Variants in SIPA1L3 observed in about 807,000 individuals in gnomAD.
SIPA1L3 encodes signal induced proliferation associated 1 like 3.
In SIPA1L3, 59 loss-of-function variants were observed where a neutral mutation model predicts 150.1. That is an observed-to-expected ratio of 0.39 (90% CI 0.32 to 0.49). SIPA1L3 has a LOEUF of 0.49. SIPA1L3 is among the 20% of genes least tolerant of loss of function. The pLI, the probability that SIPA1L3 is intolerant of heterozygous loss-of-function variation, is 0.86. For synonymous variants in SIPA1L3, 1,070 were observed against 1,077.6 expected (o/e 0.99, Z 0.14); for missense variants, 2,211 against 2,489.5 (o/e 0.89, Z 2.38).
chr19:38,089,418 G>A (rs1027963166), intron 4 of SIPA1L3, among the ~76,000 whole-genome samples: 5 of 152,054 alleles, frequency 3.3e-5, no homozygotes, highest in Admixed American at 6.6e-5. Context: ...AGTCCAGGGT[G>A]TCTGACTTCA....
intron 2 of SIPA1L3, among the ~76,000 whole-genome samples, chr19:38,075,010 A>G (rs1269613750): frequency 6.6e-6 from 1 of 152,224 alleles, no homozygotes; most frequent in African/African-American, 2.4e-5. Flanking sequence ...CGGGTATTAC[A>G]GGCATGAGCC....
At chr19:38,178,846 G>A (rs967067444) in intron 15 of SIPA1L3, among the ~76,000 whole-genome samples, 23 of 152,176 alleles carry the variant, frequency 1.5e-4, no homozygotes, top group Non-Finnish European at 2.9e-4. Context: ...CCTGGGGAAA[G>A]CATTCCTGAC....
intron 5 of SIPA1L3, 53 bp downstream of exon 5, chr19:38,100,203 C>T (rs1568549693): frequency 7.5e-7 from 1 of 1,340,222 alleles, no homozygotes; most frequent in East Asian, 2.8e-5. Context: ...CTTGCAACCC[C>T]ACTCCTGGTA....
chr19:38,131,892 A>C (rs536332447), intron 10 of SIPA1L3, among the ~76,000 whole-genome samples: 4 of 133,750 alleles, frequency 3.0e-5, no homozygotes, highest in African/African-American at 1.2e-4. Flanking sequence ...CGGCCTCCCA[A>C]AGTGCTGGAG....
At chr19:38,085,419 G>GCA (rs1408811363) in intron 3 of SIPA1L3, among the ~76,000 whole-genome samples, 1 of 149,628 alleles carries the variant, frequency 6.7e-6, no homozygotes, top group Non-Finnish European at 1.5e-5. Flanking sequence ...GGCAGAGCTT[G>GCA]CAGTGAGCCG....
intron 1 of SIPA1L3, among the ~76,000 whole-genome samples, chr19:37,942,807 C>A (rs898134437): frequency 2.6e-4 from 40 of 152,006 alleles, no homozygotes; most frequent in Admixed American, 5.9e-4. Context: ...GGTTTACCAG[C>A]GGGTTCAGGC....
intron 9 of SIPA1L3, among the ~76,000 whole-genome samples, chr19:38,123,787 C>T (rs1971088699): frequency 1.3e-5 from 2 of 151,988 alleles, no homozygotes; most frequent in Middle Eastern, 3.4e-3. Context: ...GGGTACACCT[C>T]CCAGACGGGG....
chr19:38,142,357 G>T (rs1055672083), intron 11 of SIPA1L3, among the ~76,000 whole-genome samples: 1 of 152,126 alleles, frequency 6.6e-6, no homozygotes, highest in Non-Finnish European at 1.5e-5. Context: ...GGAAGAGGGG[G>T]CCCAGGAGCA....
At chr19:38,120,976 C>T (rs1203983725) in intron 9 of SIPA1L3, among the ~76,000 whole-genome samples, 9 of 152,208 alleles carry the variant, frequency 5.9e-5, no homozygotes, top group Admixed American at 3.3e-4. Flanking sequence ...CACTTACCAG[C>T]TGCATGACCT....
chr19:37,911,741 C>T (rs1467482676), intron 1 of SIPA1L3, among the ~76,000 whole-genome samples: 3 of 151,776 alleles, frequency 2.0e-5, no homozygotes, highest in Admixed American at 6.6e-5. Context: ...CCTCGTGATC[C>T]GCCCACCTCA....
At chr19:37,934,147 A>G (rs993414535) in intron 1 of SIPA1L3, among the ~76,000 whole-genome samples, 1 of 152,156 alleles carries the variant, frequency 6.6e-6, no homozygotes, top group African/African-American at 2.4e-5. Flanking sequence ...CGGTGTCAGC[A>G]ATTGATTCTG....
chr19:38,081,723 G>T lies in SIPA1L3; in HGVS notation c.158G>T (p.Ser53Ile). The T allele has an allele frequency of 1.9e-6, 3 of 1,604,476 alleles. No homozygotes were observed. The highest frequency in any genetic ancestry group is 1.7e-6 in the Non-Finnish European group (2 of 1,177,052). ...AGCATGTCCCAGCCTCTTGGCGAGA[G>T]CCCGGCCACCGCCACCGCCACCGCC... ...NGSMSQPLGESPATATATATA... is the reference protein window; with the variant it reads ...NGSMSQPLGEIPATATATATA... Residue 53 changes from serine to isoleucine, a missense_variant, in exon 3 of 22, where the codon AGC becomes ATC. By Grantham distance (142) the Ser-to-Ile change is moderately radical. Around this residue, in one of 5 missense-constraint regions of SIPA1L3, gnomAD observed 130 missense variants for 174.5 expected, o/e 0.74. Coordinates refer to ENST00000222345, the MANE Select transcript of SIPA1L3 (RefSeq NM_015073.3).
At chr19:38,204,292 C>G in intron 21 of SIPA1L3, 84 bp downstream of exon 21, 1 of 1,086,120 alleles carries the variant, frequency 9.2e-7, no homozygotes, top group South Asian at 1.4e-5. Context: ...CCTGCCCCCG[C>G]CATGCAGGAC....
intron 1 of SIPA1L3, among the ~76,000 whole-genome samples, chr19:38,016,582 T>C (rs1968236977): frequency 6.6e-6 from 1 of 152,182 alleles, no homozygotes; most frequent in African/African-American, 2.4e-5. Flanking sequence ...AACCTCTGCC[T>C]CCCAGAGTCA....
intron 2 of SIPA1L3, among the ~76,000 whole-genome samples, chr19:38,076,139 C>CA (rs1969832657): frequency 6.7e-6 from 1 of 148,822 alleles, no homozygotes; most frequent in Admixed American, 6.7e-5. Context: ...GGCTCTGTCT[C>CA]AAAAAATAAT....
intron 8 of SIPA1L3, among the ~76,000 whole-genome samples, chr19:38,111,778 T>G (rs2145879116): frequency 2.6e-5 from 4 of 152,374 alleles, no homozygotes; most frequent in Admixed American, 2.6e-4. Flanking sequence ...CATCGGTTCC[T>G]GGAACATGCA....
At chr19:38,074,004 C>A (rs575004753) in intron 2 of SIPA1L3, among the ~76,000 whole-genome samples, 5 of 152,240 alleles carry the variant, frequency 3.3e-5, no homozygotes, top group Non-Finnish European at 7.3e-5. Context: ...CATAACCCGT[C>A]CATGACACAC....
intron 1 of SIPA1L3, among the ~76,000 whole-genome samples, chr19:37,949,385 G>A (rs140894099): frequency 2.1e-3 from 326 of 152,266 alleles, no homozygotes; most frequent in Non-Finnish European, 3.9e-3. Flanking sequence ...GGACTATAAG[G>A]CCAGGCACAG....
intron 1 of SIPA1L3, among the ~76,000 whole-genome samples, chr19:37,938,727 A>G (rs1263179701): frequency 3.3e-5 from 5 of 150,472 alleles, no homozygotes; most frequent in Non-Finnish European, 1.5e-5. Context: ...GGTTCAAGCA[A>G]TTCTCCTGCC....
Sources: gnomAD v4.1 joint callset for allele counts (sites outside exome capture counted in the v4.1 genomes callset) on GRCh38, gnomAD v4.1.1 for gene constraint, gnomAD v4.1.1 regional missense constraint, MANE v1.5 for transcripts, NCBI Gene and HGNC (gene_info 2026-07-23, HGNC 2026-07-21) for gene names.